Variants in SLC14A2 observed in about 807,000 individuals in gnomAD.
SLC14A2 encodes the protein solute carrier family 14 member 2, also known as urea transporter 2.
In SLC14A2, 91 loss-of-function variants were observed where a neutral mutation model predicts 104.6. The observed-to-expected ratio is 0.87, with a 90% CI of 0.73 to 1.04. SLC14A2 has a LOEUF of 1.04. SLC14A2 is among the 50% of genes least tolerant of loss of function. The probability of loss-of-function intolerance (pLI) is 0.00; values close to 1 mark genes in which losing one functional copy is unlikely to be tolerated. For synonymous variants in SLC14A2, 476 were observed against 466.4 expected (o/e 1.02, Z -0.27); for missense variants, 1,189 against 1,156.0 (o/e 1.03, Z -0.41).
intron 2 of SLC14A2, among the ~76,000 whole-genome samples, chr18:45,567,650 C>T (rs1291510350): frequency 6.6e-5 from 10 of 152,126 alleles, no homozygotes; most frequent in Admixed American, 5.2e-4. Flanking sequence ...GAAGGCAGAA[C>T]TCCTGGTCTT....
chr18:45,297,452 A>G (rs1418818001), intron 1 of SLC14A2, among the ~76,000 whole-genome samples: 1 of 152,176 alleles, frequency 6.6e-6, no homozygotes, highest in Non-Finnish European at 1.5e-5. Context: ...AATGCAGATG[A>G]GAGTGTTTGG....
the SLC14A2 span, among the ~76,000 whole-genome samples, chr18:45,192,109 C>A: frequency 1.3e-5 from 2 of 152,232 alleles, no homozygotes; most frequent in East Asian, 3.9e-4. Flanking sequence ...ACCCCTCTTC[C>A]CTGCAGAGTA....
intron 1 of SLC14A2, among the ~76,000 whole-genome samples, chr18:45,431,780 G>A (rs1004705167): frequency 4.6e-5 from 7 of 152,212 alleles, no homozygotes; most frequent in Non-Finnish European, 1.0e-4. Context: ...CCTCTTTGCA[G>A]AGAACTGGGC....
At chr18:45,479,519 C>T (rs904823776) in intron 1 of SLC14A2, among the ~76,000 whole-genome samples, 2 of 152,116 alleles carry the variant, frequency 1.3e-5, no homozygotes, top group African/African-American at 2.4e-5. Context: ...TTTTTCTCAT[C>T]CTTTGTTATG....
intron 1 of SLC14A2, chr18:45,435,362 A>G (rs1379795079): frequency 1.3e-5 from 2 of 152,176 alleles, no homozygotes; most frequent in African/African-American, 4.8e-5. Flanking sequence ...AGCTTAAATT[A>G]CTTTGGGGAA....
intron 2 of SLC14A2, among the ~76,000 whole-genome samples, chr18:45,547,983 G>A (rs2043998787): frequency 6.6e-6 from 1 of 152,198 alleles, no homozygotes; most frequent in South Asian, 2.1e-4. Context: ...ATAGGACTTT[G>A]TAGCCCAGGA....
At chr18:45,301,833 C>T in intron 1 of SLC14A2, among the ~76,000 whole-genome samples, 1 of 152,192 alleles carries the variant, frequency 6.6e-6, no homozygotes, top group East Asian at 1.9e-4. Context: ...ACCAGTCTGG[C>T]CCATTTATTT....
chr18:45,453,833 C>G (rs1391415955), intron 1 of SLC14A2, among the ~76,000 whole-genome samples: 2 of 133,946 alleles, frequency 1.5e-5, no homozygotes, highest in Non-Finnish European at 3.2e-5. Flanking sequence ...GTTCCGCTTT[C>G]TTTTTTCTTT....
chr18:45,381,143 A>C (rs2085830326), intron 1 of SLC14A2, among the ~76,000 whole-genome samples: 2 of 152,194 alleles, frequency 1.3e-5, no homozygotes, highest in Non-Finnish European at 1.5e-5. Context: ...CTCTTCACAG[A>C]TGGAGCCAGC....
intron 11 of SLC14A2, among the ~76,000 whole-genome samples, chr18:45,664,663 G>A (rs976940982): frequency 6.6e-6 from 1 of 152,212 alleles, no homozygotes; most frequent in African/African-American, 2.4e-5. Flanking sequence ...CTCCCCAGAA[G>A]ATGCCTGAAT....
At chr18:45,660,744 C>T (rs770636214) in intron 10 of SLC14A2, among the ~76,000 whole-genome samples, 12 of 152,232 alleles carry the variant, frequency 7.9e-5, no homozygotes, top group Non-Finnish European at 1.6e-4. Flanking sequence ...ACCAATGGCA[C>T]ACCTCATTTC....
chr18:45,573,187 G>C (rs1469886317), intron 2 of SLC14A2, among the ~76,000 whole-genome samples: 2 of 152,164 alleles, frequency 1.3e-5, no homozygotes, highest in Non-Finnish European at 2.9e-5. Flanking sequence ...CACCTAGAAG[G>C]CTTGTTGAAA....
chr18:45,589,848 G>A (rs1024305387), intron 2 of SLC14A2, among the ~76,000 whole-genome samples: 1 of 152,206 alleles, frequency 6.6e-6, no homozygotes, highest in Admixed American at 6.5e-5. Flanking sequence ...GAGGGGAGGA[G>A]GGAGGCGCTA....
intron 1 of SLC14A2, among the ~76,000 whole-genome samples, chr18:45,272,186 G>A (rs2084658034): frequency 6.6e-6 from 1 of 151,940 alleles, no homozygotes; most frequent in Non-Finnish European, 1.5e-5. Flanking sequence ...TAGTTTGGAG[G>A]TTCCTCAAAA....
chr18:45,488,713 C>CA (rs1485419144), intron 2 of SLC14A2, among the ~76,000 whole-genome samples: 1 of 152,188 alleles, frequency 6.6e-6, no homozygotes, highest in Non-Finnish European at 1.5e-5. Context: ...GCTGGGAAGG[C>CA]AAAACCATCT....
At chr18:45,470,700 G>A (rs1317066544) in intron 1 of SLC14A2, among the ~76,000 whole-genome samples, 1 of 152,144 alleles carries the variant, frequency 6.6e-6, no homozygotes, top group Admixed American at 6.6e-5. Context: ...ATAATGACAT[G>A]TGTATAGTTC....
rs79611382 is a variant in SLC14A2 at position 45,490,640 on chromosome 18, A to G, written c.-35+7318A>G. ...AAGACCAAGTTTATAGTCTTGTAGG[A>G]ACAAAGTCACCATAAACAAAGCTAA... On this transcript the variant is annotated intron_variant, in intron 2 of 20. Coordinates refer to the SLC14A2 transcript ENST00000586448. Among the ~76,000 whole-genome samples, 478 of 152,334 alleles carry G rather than the reference A, an allele frequency of 3.1e-3. 1 individual carries two copies. Among genetic ancestry groups the G allele is most frequent in the African/African-American group, 0.011 (443 of 41,566 alleles).
At chr18:45,563,205 C>G (rs558292255) in intron 2 of SLC14A2, among the ~76,000 whole-genome samples, 3 of 152,164 alleles carry the variant, frequency 2.0e-5, no homozygotes, top group Non-Finnish European at 4.4e-5. Context: ...GTCTGCCAGA[C>G]CTGCATCCCC....
chr18:45,545,857 A>T (rs184785343), intron 2 of SLC14A2, among the ~76,000 whole-genome samples: 1 of 152,220 alleles, frequency 6.6e-6, no homozygotes, highest in Non-Finnish European at 1.5e-5. Flanking sequence ...AATGAGATTT[A>T]TATATTTTTT....
Sources: gnomAD v4.1 joint callset for allele counts (sites outside exome capture counted in the v4.1 genomes callset) on GRCh38, gnomAD v4.1.1 for gene constraint, MANE v1.5 for transcripts, NCBI Gene and HGNC (gene_info 2026-07-23, HGNC 2026-07-21) for gene names.